Variants in FARS2 observed in about 807,000 individuals in gnomAD.
The protein encoded by FARS2 is phenylalanyl-tRNA synthetase 2, mitochondrial.
FARS2 carries 40 observed loss-of-function variants against 46.4 expected under a neutral mutation model. The ratio of observed to expected loss-of-function variants is 0.86; its 90% CI spans 0.67 to 1.12. The LOEUF is 1.12. Ranked by LOEUF, FARS2 falls within the 50% of genes most tolerant of loss-of-function variation. The pLI, the probability that FARS2 is intolerant of heterozygous loss-of-function variation, is 0.00. For missense variants in FARS2, 513 were observed against 567.9 expected (o/e 0.90, Z 0.98); for synonymous variants, 234 against 214.9 (o/e 1.09, Z -0.78).
chr6:5,260,022 C>T (rs567257708), upstream of FARS2, among the ~76,000 whole-genome samples: 21 of 152,296 alleles, frequency 1.4e-4, no homozygotes, highest in African/African-American at 4.1e-4. Flanking sequence ...CCTCAATATC[C>T]TGCTGTCAAG....
At chr6:5,372,375 C>T (rs1490116404) in intron 2 of FARS2, among the ~76,000 whole-genome samples, 1 of 152,024 alleles carries the variant, frequency 6.6e-6, no homozygotes, top group Non-Finnish European at 1.5e-5. Flanking sequence ...TGTGTATAAA[C>T]ACACATGCAG....
intron 6 of FARS2, among the ~76,000 whole-genome samples, chr6:5,618,001 G>A (rs1775562793): frequency 6.6e-6 from 1 of 152,174 alleles, no homozygotes; most frequent in Non-Finnish European, 1.5e-5. Flanking sequence ...ACCAGATTGT[G>A]AATATTTTTG....
At chr6:5,551,408 T>C (rs1473475029) in intron 5 of FARS2, among the ~76,000 whole-genome samples, 1 of 152,216 alleles carries the variant, frequency 6.6e-6, no homozygotes, top group Admixed American at 6.5e-5. Flanking sequence ...TCCTTGCCTG[T>C]CACAGTCTAT....
chr6:5,346,098 T>C (rs1757214472), intron 1 of FARS2, among the ~76,000 whole-genome samples: 1 of 152,176 alleles, frequency 6.6e-6, no homozygotes, highest in Non-Finnish European at 1.5e-5. Context: ...TGCAGTCACC[T>C]AGAAGTCTCT....
intron 6 of FARS2, among the ~76,000 whole-genome samples, chr6:5,749,851 G>C (rs1761844984): frequency 6.6e-6 from 1 of 152,180 alleles, no homozygotes; most frequent in African/African-American, 2.4e-5. Flanking sequence ...AGCAATCCAG[G>C]TCCACATCTG....
At chr6:5,605,009 C>T (rs1561746256) in intron 5 of FARS2, among the ~76,000 whole-genome samples, 1 of 152,206 alleles carries the variant, frequency 6.6e-6, no homozygotes, top group Non-Finnish European at 1.5e-5. Context: ...TTGTCCTCCT[C>T]CCTGACAAAG....
At chr6:5,743,227 C>G (rs902491102) in intron 6 of FARS2, among the ~76,000 whole-genome samples, 1 of 152,122 alleles carries the variant, frequency 6.6e-6, no homozygotes, top group Non-Finnish European at 1.5e-5. Context: ...TTTCTCATCT[C>G]TAAAATTCTA....
At chr6:5,431,495 A>G (rs1381395446) in intron 4 of FARS2, among the ~76,000 whole-genome samples, 1 of 152,194 alleles carries the variant, frequency 6.6e-6, no homozygotes, top group Non-Finnish European at 1.5e-5. Context: ...ATGTCACAGG[A>G]GTGTAGTTTG....
chr6:5,448,248 G>A (rs1015289215), intron 4 of FARS2, among the ~76,000 whole-genome samples: 6 of 152,124 alleles, frequency 3.9e-5, no homozygotes, highest in Non-Finnish European at 8.8e-5. Context: ...AAGGGAAGGC[G>A]ATGAGAAAGT....
At chr6:5,261,972 G>T (rs540536321) in intron 1 of FARS2, among the ~76,000 whole-genome samples, 26 of 152,304 alleles carry the variant, frequency 1.7e-4, no homozygotes, top group African/African-American at 5.3e-4. Context: ...TGCTTGTTCT[G>T]ATCTTTGAGC....
chr6:5,294,504 T>C (rs1382912063), intron 1 of FARS2, among the ~76,000 whole-genome samples: 1 of 152,192 alleles, frequency 6.6e-6, no homozygotes, highest in Non-Finnish European at 1.5e-5. Flanking sequence ...TGACACTCTC[T>C]ACCCAGAGAT....
At chr6:5,335,445 T>TCTTGCACTTACATATTGATGTTA (rs1771086945) in intron 1 of FARS2, among the ~76,000 whole-genome samples, 1 of 152,242 alleles carries the variant, frequency 6.6e-6, no homozygotes, top group Non-Finnish European at 1.5e-5. Flanking sequence ...CATCTTGGTA[T>TCTTGCACTTACATATTGATGTTA]CTTGCACTTA....
chr6:5,346,665 C>T (rs768232502), intron 1 of FARS2, among the ~76,000 whole-genome samples: 19 of 152,212 alleles, frequency 1.2e-4, no homozygotes, highest in African/African-American at 7.2e-5. Context: ...TTCGTATAGC[C>T]GCCACCTCGA....
At chr6:5,417,072 G>T (rs1762281934) in intron 3 of FARS2, among the ~76,000 whole-genome samples, 1 of 152,144 alleles carries the variant, frequency 6.6e-6, no homozygotes, top group Admixed American at 6.5e-5. Flanking sequence ...GTTCCCAACT[G>T]ATATTTTCCT....
intron 3 of FARS2, among the ~76,000 whole-genome samples, chr6:5,418,288 A>G (rs914168124): frequency 6.6e-5 from 10 of 152,078 alleles, no homozygotes; most frequent in African/African-American, 2.2e-4. Context: ...TGTTAATTTT[A>G]CCTTCTGATG....
chr6:5,539,352 G>A (rs1482957622), intron 4 of FARS2, among the ~76,000 whole-genome samples: 3 of 121,728 alleles, frequency 2.5e-5, no homozygotes, highest in Non-Finnish European at 3.4e-5. Context: ...GACTACAGGT[G>A]CCCGCCACCA....
chr6:5,720,789 A>T (rs889295234), intron 6 of FARS2, among the ~76,000 whole-genome samples: 6 of 152,250 alleles, frequency 3.9e-5, no homozygotes, highest in African/African-American at 1.4e-4. Flanking sequence ...CTCATGCTCT[A>T]TAGTCCCAGC....
chr6:5,747,142 A>G (rs1761693035), intron 6 of FARS2, among the ~76,000 whole-genome samples: 1 of 152,212 alleles, frequency 6.6e-6, no homozygotes, highest in Non-Finnish European at 1.5e-5. Flanking sequence ...GAGAGGCCAC[A>G]GCAGTTAGAG....
At chr6:5,338,679 T>A (rs910288257) in intron 1 of FARS2, among the ~76,000 whole-genome samples, 1 of 151,484 alleles carries the variant, frequency 6.6e-6, no homozygotes, top group Non-Finnish European at 1.5e-5. Context: ...GCATTCTCTA[T>A]GGCATTTAGT....
Sources: gnomAD v4.1 joint callset for allele counts (sites outside exome capture counted in the v4.1 genomes callset) on GRCh38, gnomAD v4.1.1 for gene constraint, MANE v1.5 for transcripts, NCBI Gene and HGNC (gene_info 2026-07-23, HGNC 2026-07-21) for gene names.